Variants in SON observed in about 807,000 individuals in gnomAD.
The protein encoded by SON is protein SON.
In SON, 4 loss-of-function variants were observed where a neutral mutation model predicts 173.3. That is an observed-to-expected ratio of 0.02 (90% CI 0.01 to 0.05). The LOEUF (loss-of-function observed/expected upper bound fraction) is 0.05, where lower values mean the gene tolerates loss of function less well. SON is among the 10% of genes least tolerant of loss of function. SON has a pLI of 1.00. For missense variants in SON, 2,626 were observed against 3,055.3 expected (o/e 0.86, Z 3.31); for synonymous variants, 1,190 against 1,105.9 (o/e 1.08, Z -1.51).
At chr21:33,546,070 C>A in intron 1 of SON, 143 bp from the exon 2 acceptor site, 1 of 594,888 alleles carries the variant, frequency 1.7e-6, no homozygotes, top group Non-Finnish European at 2.8e-6. Flanking sequence ...TGGTAAGAAG[C>A]ATTATTAGTG....
Position 33,551,467 on chromosome 21 carries a change from C to G in SON, c.2236C>G (p.Leu746Val). 1.9e-6 allele frequency: 3 copies of G among 1,613,422 alleles called. No homozygotes were observed. In the East Asian group the frequency reaches 6.7e-5, roughly 36 times the overall value. ...LASNTMDSQM[L>V]ASNTMDSQML... ...GTCCAACACCATGGACTCCCAGATG[C>G]TAGCATCCAACACCATGGACTCCCA... Residue 746 changes from leucine to valine, a missense_variant, in exon 3 of 12, where the codon CTA becomes GTA. By Grantham distance (32) the Leu-to-Val change is conservative. Around this residue, in one of 13 missense-constraint regions of SON, gnomAD observed 182 missense variants for 193.6 expected, o/e 0.94. Transcript: ENST00000356577.
intron 7 of SON, chr21:33,567,600 A>G: frequency 4.9e-6 from 1 of 202,970 alleles, no homozygotes; most frequent in South Asian, 9.6e-5. Flanking sequence ...TAGTTGCCAT[A>G]TTTCAGCCGA....
At chr21:33,573,205 C>G in intron 8 of SON, 103 bp from the exon 9 acceptor site, 6 of 917,878 alleles carry the variant, frequency 6.5e-6, no homozygotes, top group South Asian at 1.7e-5. Flanking sequence ...TATAACAGAT[C>G]TAGAAGTAAA....
Position 33,554,039 on chromosome 21 carries a change from C to A in SON, c.4808C>A (p.Pro1603His). 6.2e-7 allele frequency: 1 copy of A among 1,614,092 alleles called. No individual in the cohort carries two copies. Among genetic ancestry groups the A allele is most frequent in the Non-Finnish European group, 8.5e-7 (1 of 1,180,016 alleles). Residue 1603 changes from proline (P) to histidine (H), a missense_variant, in exon 3 of 12, where the codon CCT (proline) becomes CAT (histidine). Coordinates refer to ENST00000356577, the MANE Select transcript of SON (RefSeq NM_138927.4). ...LSSTGPFALE[P>H]DATGTSKGIE... is the part of the protein sequence containing the mutation. The stretch of plus-strand genomic sequence containing the variant: ...TCTACTGGTCCTTTTGCTCTGGAAC[C>A]TGATGCAACAGGAACTAGTAAGGGT...
rs758958383 is a variant in SON, at chr21:33,554,816, G to C, written c.5585G>C (p.Arg1862Pro). 6.2e-7 allele frequency: 1 copy of C among 1,613,812 alleles called. No homozygotes were observed. Among genetic ancestry groups the C allele is most frequent in the African/African-American group, 1.3e-5 (1 of 74,898 alleles). ...SKSKSHRSQTRSRSRSRRRRR... is the reference protein window; with the variant it reads ...SKSKSHRSQTPSRSRSRRRRR... ...TCCAAGTCTCATCGCTCTCAGACAC[G>C]TTCACGGTCACGTTCAAGACGCAGG... The change falls in exon 3 of 12, where the codon CGT (arginine) becomes CCT (proline). Residue 1862 changes from arginine (R) to proline (P), a missense_variant. Coordinates refer to ENST00000356577, the MANE Select transcript of SON (RefSeq NM_138927.4).
chr21:33,555,545 A>G (rs998837228), intron 3 of SON, among the ~76,000 whole-genome samples, 154 bp downstream of exon 3: 3 of 152,236 alleles, frequency 2.0e-5, no homozygotes, highest in Admixed American at 1.3e-4. Flanking sequence ...TGTATTTAGG[A>G]ACTACTGGGA....
intron 6 of SON, among the ~76,000 whole-genome samples, chr21:33,562,614 A>G (rs2086089824): frequency 1.3e-5 from 2 of 152,240 alleles, no homozygotes; most frequent in South Asian, 2.1e-4. Flanking sequence ...AAAACAACTC[A>G]TCAGACTGTG....
At position 33,552,498 on chromosome 21, in the gene SON, C is replaced by T. The variant is rs2085826175; in HGVS notation, c.3267C>T (p.Asp1089=). The change falls in exon 3 of 12, where the codon GAC becomes GAT. Residue 1089 remains aspartate (D), a synonymous_variant. Coordinates refer to ENST00000356577, the MANE Select transcript of SON (RefSeq NM_138927.4). The surrounding 1 kb of genome is among the most constrained non-coding windows in gnomAD (Gnocchi z 5.6). The part of the protein sequence containing the change: ...ADRSMMSMGA[D]RSMMSSYSAA... ...GATCTATGATGTCCATGGGTGCTGA[C>T]CGGTCTATGATGTCGTCATACTCTG... is the stretch of plus-strand genomic sequence containing the variant. 1 of 1,613,930 alleles carries T rather than the reference C, an allele frequency of 6.2e-7. No homozygotes were observed. Among genetic ancestry groups the T allele is most frequent in the Admixed American group, 1.7e-5 (1 of 59,998 alleles).
intron 9 of SON, 139 bp from the exon 10 acceptor site, chr21:33,575,457 T>C: frequency 3.9e-6 from 2 of 517,190 alleles, no homozygotes; most frequent in Non-Finnish European, 6.9e-6. Context: ...AAAGAGAAGA[T>C]TGATAGAGAA....
rs376190853 is a variant in SON at position 33,550,466 on chromosome 21, C to T, written c.1235C>T (p.Pro412Leu). The change falls in exon 3 of 12, where the codon CCG (proline) becomes CTG (leucine). Residue 412 changes from proline (P) to leucine (L), a missense_variant. Transcript: ENST00000356577. ...VLELPGPSAT[P>L]VPELPGPLST... ...GAGTTACCTGGGCCCTCTGCTACCC[C>T]GGTGCCAGAGTTGCCAGGGCCCCTT... 40 of 1,613,808 alleles carry T rather than the reference C, an allele frequency of 2.5e-5. No individual in the cohort carries two copies. The highest frequency in any genetic ancestry group is 1.2e-4 in the Admixed American group (7 of 59,986).
intron 1 of SON, among the ~76,000 whole-genome samples, chr21:33,543,839 G>A (rs1205259850): frequency 1.3e-5 from 2 of 152,228 alleles, no homozygotes; most frequent in African/African-American, 4.8e-5. Flanking sequence ...GCAAGTGAAA[G>A]TGGACTTTGT....
Position 33,576,781 on chromosome 21 carries a change from A to G in SON, c.*357A>G. 1 of 361,570 alleles carries G rather than the reference A, an allele frequency of 2.8e-6. No homozygotes were observed. The highest frequency in any genetic ancestry group is 2.5e-5 in the South Asian group (1 of 40,322). The allele number at this position is 361,570 out of a possible 1,614,324, so 22.4% of individuals were successfully genotyped here. A position where few individuals can be genotyped will look rare whatever the true frequency, so the allele number is the denominator to read the frequency against. ...TTTATATTGTTTACCTTAGTGATGT[A>G]TTTGTTTAAGTGGCTAACATCCAAA... On this transcript the variant is annotated 3_prime_UTR_variant, in exon 12 of 12. Transcript: ENST00000356577.
intron 2 of SON, among the ~76,000 whole-genome samples, chr21:33,547,367 T>C (rs1398929370): frequency 6.6e-6 from 1 of 152,174 alleles, no homozygotes; most frequent in Non-Finnish European, 1.5e-5. Flanking sequence ...TAAACTGCAG[T>C]GGATGGAGAG....
rs1327746101 is a variant in SON at position 33,555,146 on chromosome 21, G to T, written c.5915G>T (p.Arg1972Leu). Reference protein sequence around the residue: ...RRSRTPSRRSRTPSRRSRTPS... With the variant: ...RRSRTPSRRSLTPSRRSRTPS... The stretch of plus-strand genomic sequence containing the variant: ...AGCCGCACCCCCAGCCGCCGCAGCC[G>T]CACCCCCAGCCGCCGCAGCCGCACC... The change falls in exon 3 of 12, where the codon CGC (arginine) becomes CTC (leucine). Residue 1972 changes from arginine to leucine, a missense_variant. Around this residue, in one of 13 missense-constraint regions of SON, gnomAD observed 138 missense variants for 222.9 expected, o/e 0.62. Transcript: ENST00000356577. 2.7e-6 allele frequency: 4 copies of T among 1,495,256 alleles called. No homozygotes were observed. The highest frequency in any genetic ancestry group is 1.3e-5 in the South Asian group (1 of 79,690). 92.6% of individuals were successfully genotyped at this position (1,495,256 alleles called of 1,614,324 possible).
chr21:33,573,589 A>G, intron 9 of SON, 134 bp downstream of exon 9: 2 of 714,014 alleles, frequency 2.8e-6, no homozygotes, highest in Non-Finnish European at 4.4e-6. Flanking sequence ...AAAAACATTA[A>G]CCCCTTTTGG....
At position 33,549,536 on chromosome 21, in the gene SON, A is replaced by C. The variant is rs766304428; in HGVS notation, c.305A>C (p.Glu102Ala). 6.3e-7 allele frequency: 1 copy of C among 1,582,220 alleles called. No individual in the cohort carries two copies. The highest frequency in any genetic ancestry group is 8.5e-7 in the Non-Finnish European group (1 of 1,171,112). ...TCTGTACAAACAGATCCTACTGATG[A>C]AATTCCCACTAAAAAGTCAAAGAAG... ...CVSVQTDPTDEIPTKKSKKHK... is the reference protein window; with the variant it reads ...CVSVQTDPTDAIPTKKSKKHK... Residue 102 changes from glutamate (E) to alanine (A), a missense_variant, in exon 3 of 12, where the codon GAA becomes GCA. Around this residue, in one of 13 missense-constraint regions of SON, gnomAD observed 757 missense variants for 730.1 expected, o/e 1.04. Coordinates refer to ENST00000356577, the MANE Select transcript of SON (RefSeq NM_138927.4).
Position 33,576,915 on chromosome 21 carries a change from G to C in SON, c.*491G>C. ...TCCCCTTCCTTATGGCTAGGCTACT[G>C]TAACACTTGCCTGTAATCAGTGAAG... On this transcript the variant is annotated 3_prime_UTR_variant, in exon 12 of 12. Transcript: ENST00000356577. 1 of 249,592 alleles carries C rather than the reference G, an allele frequency of 4.0e-6. No homozygotes were observed. The highest frequency in any genetic ancestry group is 8.2e-6 in the Non-Finnish European group (1 of 122,608). 15.5% of individuals were successfully genotyped at this position (249,592 alleles called of 1,614,324 possible). A position where few individuals can be genotyped will look rare whatever the true frequency, so the allele number is the denominator to read the frequency against.
chr21:33,543,200 A>G (rs372188023), intron 1 of SON, 31 bp downstream of exon 1: 4 of 1,580,310 alleles, frequency 2.5e-6, no homozygotes, highest in African/African-American at 1.3e-5. Context: ...TCTGCTCCCA[A>G]CGGACCGTTA....
In SON at chr21:33,553,062, A is replaced by G. The variant is rs1349448856; in HGVS notation, c.3831A>G (p.Pro1277=). The stretch of plus-strand genomic sequence containing the variant: ...TAGCAGAAGAACATGAAGTTGTTCC[A>G]GAGAGACCAGTGACTTGTATGGTAT... The part of the protein sequence containing the change: ...AVVAEEHEVV[P]ERPVTCMVSE... The change falls in exon 3 of 12, where the codon CCA becomes CCG. Residue 1277 remains proline, a synonymous_variant. Transcript: ENST00000356577. 12 of 1,613,080 alleles carry G rather than the reference A, an allele frequency of 7.4e-6. No homozygotes were observed. The East Asian group carries it at 8.9e-5, about 12-fold the overall frequency.
Sources: allele counts gnomAD v4.1 joint callset (sites outside exome capture counted in the v4.1 genomes callset), GRCh38; gene constraint gnomAD v4.1.1; regional missense constraint gnomAD v4.1.1; non-coding constraint Gnocchi (gnomAD v3.1); transcripts MANE v1.5; gene names NCBI Gene and HGNC (gene_info 2026-07-23, HGNC 2026-07-21).